CEP63: variants seen among roughly 807,000 people sequenced by gnomAD.
CEP63 encodes the protein centrosomal protein of 63 kDa.
CEP63 carries 84 observed loss-of-function variants against 89.1 expected under a neutral mutation model. That is an observed-to-expected ratio of 0.94 (90% CI 0.79 to 1.13). The LOEUF (loss-of-function observed/expected upper bound fraction) is 1.13. Ranked by LOEUF, CEP63 falls within the 50% of genes most tolerant of loss-of-function variation. The pLI, the probability that CEP63 is intolerant of heterozygous loss-of-function variation, is 0.00. For synonymous variants in CEP63, 267 were observed against 272.5 expected (o/e 0.98, Z 0.20); for missense variants, 838 against 813.3 (o/e 1.03, Z -0.37).
At chr3:134,580,204 A>G (rs1958313077) in intron 10 of CEP63, among the ~76,000 whole-genome samples, 1 of 152,042 alleles carries the variant, frequency 6.6e-6, no homozygotes, top group African/African-American at 2.4e-5. Flanking sequence ...CAAAAAAAAA[A>G]AAAAAACACT....
chr3:134,543,629 A>G (rs749871018), intron 6 of CEP63, among the ~76,000 whole-genome samples: 6 of 152,222 alleles, frequency 3.9e-5, no homozygotes, highest in Non-Finnish European at 5.9e-5. Flanking sequence ...CTATTACAGT[A>G]TTAAAAAGAT....
At chr3:134,644,914 G>A in the CEP63 span, among the ~76,000 whole-genome samples, 1 of 152,230 alleles carries the variant, frequency 6.6e-6, no homozygotes. Context: ...CCAATACAGG[G>A]TGATGTGGCA....
At chr3:134,701,296 GTATATATACGTATATA>G in the CEP63 span, among the ~76,000 whole-genome samples, 7 of 43,060 alleles carry the variant, frequency 1.6e-4, 1 homozygote, top group Admixed American at 6.4e-4. Context: ...GTATATATGT[GTATATATACGTATATA>G]TGTGTATATA....
chr3:134,573,267 T>C (rs1377065866), intron 11 of CEP63, among the ~76,000 whole-genome samples: 1 of 152,196 alleles, frequency 6.6e-6, no homozygotes, highest in Non-Finnish European at 1.5e-5. Context: ...AGGTCCCACT[T>C]GTCAATTTTT....
At chr3:134,766,107 G>A in the CEP63 span, among the ~76,000 whole-genome samples, 1 of 152,220 alleles carries the variant, frequency 6.6e-6, no homozygotes, top group Non-Finnish European at 1.5e-5. Flanking sequence ...TGCTCTGGTA[G>A]TGAAAAGTTC....
chr3:134,536,419 T>A (rs1376207750), intron 5 of CEP63: 1 of 153,126 alleles, frequency 6.5e-6, no homozygotes, highest in African/African-American at 2.4e-5. Context: ...TGGAAGACAG[T>A]GATAGAAAGA....
chr3:134,581,800 C>T (rs1356721373), intron 10 of CEP63, among the ~76,000 whole-genome samples: 1 of 147,150 alleles, frequency 6.8e-6, no homozygotes, highest in Non-Finnish European at 1.5e-5. Context: ...CTCAGCCTCC[C>T]GAGTAGCTGG....
chr3:134,650,790 GGGGGACCC>G, the CEP63 span: 1 of 1,533,910 alleles, frequency 6.5e-7, no homozygotes, highest in Non-Finnish European at 8.8e-7. Flanking sequence ...CCAAGGTGCC[GGGGGACCC>G]GGGGACCCGG....
chr3:134,587,969 A>T (rs1469512141), downstream of CEP63, among the ~76,000 whole-genome samples: 2 of 152,172 alleles, frequency 1.3e-5, no homozygotes, highest in African/African-American at 4.8e-5. Flanking sequence ...CCACCCCAAA[A>T]TGTCAGAATA....
At chr3:134,769,588 T>C in the CEP63 span, among the ~76,000 whole-genome samples, 4 of 152,208 alleles carry the variant, frequency 2.6e-5, no homozygotes, top group Non-Finnish European at 5.9e-5. Context: ...TTGTACATAA[T>C]TGAAGTTGAT....
intron 12 of CEP63, among the ~76,000 whole-genome samples, chr3:134,555,793 CA>C (rs1380302429): frequency 1.3e-5 from 2 of 151,490 alleles, no homozygotes; most frequent in Non-Finnish European, 3.0e-5. Flanking sequence ...CATATGGAAC[CA>C]AAAAAGAGCC....
the CEP63 span, among the ~76,000 whole-genome samples, chr3:134,775,105 C>T: frequency 6.6e-5 from 10 of 152,140 alleles, no homozygotes; most frequent in African/African-American, 2.2e-4. Flanking sequence ...AATAACATAC[C>T]TTTATTGTCT....
intron 3 of CEP63, among the ~76,000 whole-genome samples, chr3:134,513,015 A>G (rs1306634553): frequency 3.3e-5 from 5 of 152,114 alleles, no homozygotes; most frequent in Admixed American, 2.6e-4. Context: ...ATCTTCTGCC[A>G]TTGTGTTTAA....
At chr3:134,768,220 G>A in the CEP63 span, among the ~76,000 whole-genome samples, 1 of 152,156 alleles carries the variant, frequency 6.6e-6, no homozygotes, top group Admixed American at 6.5e-5. Flanking sequence ...TTTGCATATT[G>A]GACAGATTCC....
intron 3 of CEP63, among the ~76,000 whole-genome samples, chr3:134,510,227 G>A (rs555685511): frequency 1.3e-5 from 2 of 152,338 alleles, no homozygotes; most frequent in African/African-American, 4.8e-5. Context: ...AGCTGTAGCT[G>A]TTGAAGTCAT....
At chr3:134,584,603 A>G (rs1303558365) in intron 10 of CEP63, among the ~76,000 whole-genome samples, 1 of 152,152 alleles carries the variant, frequency 6.6e-6, no homozygotes, top group Non-Finnish European at 1.5e-5. Flanking sequence ...GGATTTTTGC[A>G]CCAGTGTTTA....
chr3:134,777,149 C>T, the CEP63 span, among the ~76,000 whole-genome samples: 2 of 152,172 alleles, frequency 1.3e-5, no homozygotes, highest in Non-Finnish European at 2.9e-5. Context: ...TTAAAAAAGG[C>T]ACATGTTTTG....
chr3:134,770,782 G>C, the CEP63 span, among the ~76,000 whole-genome samples: 1 of 152,066 alleles, frequency 6.6e-6, no homozygotes, highest in Non-Finnish European at 1.5e-5. Context: ...AGTGGCAAAG[G>C]AAAAATATAA....
chr3:134,672,937 T>C, the CEP63 span, among the ~76,000 whole-genome samples: 1 of 152,316 alleles, frequency 6.6e-6, no homozygotes, highest in Middle Eastern at 3.4e-3. Context: ...GTTTCAATAG[T>C]TTCCCTTTAC....
Sources: allele counts gnomAD v4.1 joint callset (sites outside exome capture counted in the v4.1 genomes callset), GRCh38; gene constraint gnomAD v4.1.1; transcripts MANE v1.5; gene names NCBI Gene and HGNC (gene_info 2026-07-23, HGNC 2026-07-21).